MTUS2: variants seen among roughly 807,000 people sequenced by gnomAD.
MTUS2 encodes microtubule associated scaffold protein 2, also known as microtubule-associated tumor suppressor candidate 2.
A neutral mutation model predicts 114.1 loss-of-function variants in MTUS2; 40 were observed. The ratio of observed to expected loss-of-function variants is 0.35; its 90% CI spans 0.27 to 0.46. The LOEUF (loss-of-function observed/expected upper bound fraction) is 0.46. Among genes scored for constraint, MTUS2 ranks in the 20% least tolerant of loss-of-function variants. The probability of loss-of-function intolerance (pLI) is 1.00; values close to 1 mark genes in which losing one functional copy is unlikely to be tolerated. For synonymous variants in MTUS2, 688 were observed against 672.0 expected, an observed-to-expected ratio of 1.02 and a Z score of -0.37; for missense variants, 1,679 against 1,705.4, an observed-to-expected ratio of 0.98 and a Z score of 0.27.
chr13:28,899,203 A>T (rs557682679), intron 2 of MTUS2, among the ~76,000 whole-genome samples: 214 of 152,368 alleles, frequency 1.4e-3, no homozygotes, highest in African/African-American at 4.4e-3. Context: ...ATAGTAAAAT[A>T]TCACAATGTT....
intron 5 of MTUS2, among the ~76,000 whole-genome samples, chr13:29,191,393 T>C (rs1894443723): frequency 6.6e-6 from 1 of 152,142 alleles, no homozygotes; most frequent in Admixed American, 6.5e-5. Context: ...GAGAAGCAGT[T>C]GTGCAGTCAG....
chr13:29,233,858 A>G (rs1896432227), intron 5 of MTUS2, among the ~76,000 whole-genome samples: 1 of 152,222 alleles, frequency 6.6e-6, no homozygotes, highest in Non-Finnish European at 1.5e-5. Flanking sequence ...GGTTATTCTC[A>G]TCTGAAAAAG....
At chr13:29,328,202 C>T (rs530361728) in intron 7 of MTUS2, among the ~76,000 whole-genome samples, 1 of 152,146 alleles carries the variant, frequency 6.6e-6, no homozygotes, top group African/African-American at 2.4e-5. Flanking sequence ...TATGAAAATA[C>T]ATTTGATAAT....
At chr13:29,332,633 C>CT (rs58161086) in intron 7 of MTUS2, among the ~76,000 whole-genome samples, 93 of 113,680 alleles carry the variant, frequency 8.2e-4, no homozygotes, top group African/African-American at 1.3e-3. Context: ...TTCTCTAATT[C>CT]TTTTTTTTTT....
At chr13:29,122,722 A>C (rs1455652644) in intron 5 of MTUS2, among the ~76,000 whole-genome samples, 1 of 152,188 alleles carries the variant, frequency 6.6e-6, no homozygotes, top group African/African-American at 2.4e-5. Context: ...CTGTTTGATT[A>C]CCTTTTAGAG....
At chr13:28,824,371 C>G (rs988472467) in intron 1 of MTUS2, among the ~76,000 whole-genome samples, 2 of 152,202 alleles carry the variant, frequency 1.3e-5, no homozygotes, top group Non-Finnish European at 2.9e-5. Flanking sequence ...GCTCTGTCCT[C>G]TAGTCTCTGT....
chr13:28,974,011 T>C (rs950284020), intron 2 of MTUS2, among the ~76,000 whole-genome samples: 1 of 152,214 alleles, frequency 6.6e-6, no homozygotes, highest in Admixed American at 6.5e-5. Context: ...GCACATTTAA[T>C]GCATGGAACA....
intron 3 of MTUS2, among the ~76,000 whole-genome samples, chr13:29,031,406 C>CTA (rs1010954097): frequency 1.6e-4 from 24 of 147,864 alleles, no homozygotes; most frequent in African/African-American, 4.4e-4. Flanking sequence ...CACATAATCT[C>CTA]TATATATATA....
chr13:29,074,766 C>T (rs1889107573), intron 4 of MTUS2, among the ~76,000 whole-genome samples: 1 of 152,106 alleles, frequency 6.6e-6, no homozygotes, highest in African/African-American at 2.4e-5. Context: ...TTTTCCTTTC[C>T]CGGAACTAGT....
At chr13:28,982,423 G>A (rs1485465019) in intron 2 of MTUS2, among the ~76,000 whole-genome samples, 2 of 152,046 alleles carry the variant, frequency 1.3e-5, no homozygotes, top group Non-Finnish European at 2.9e-5. Context: ...TGGTAGGAAT[G>A]TAAAATGCTG....
chr13:29,271,480 A>G (rs1010549271), intron 5 of MTUS2, among the ~76,000 whole-genome samples: 25 of 152,008 alleles, frequency 1.6e-4, no homozygotes, highest in African/African-American at 5.8e-4. Context: ...TCCAAGTCTC[A>G]CCTAACTGTC....
At chr13:28,857,457 C>T (rs1336141959) in intron 2 of MTUS2, among the ~76,000 whole-genome samples, 1 of 152,122 alleles carries the variant, frequency 6.6e-6, no homozygotes, top group Non-Finnish European at 1.5e-5. Flanking sequence ...GGTAAAGATA[C>T]TGCACACGTG....
chr13:28,947,247 G>A (rs1230593795), intron 2 of MTUS2, among the ~76,000 whole-genome samples: 3 of 152,086 alleles, frequency 2.0e-5, no homozygotes, highest in African/African-American at 2.4e-5. Context: ...GAGTGTCGCT[G>A]CTTGAAAGCA....
In MTUS2 at chr13:29,140,825, G is replaced by A. The variant is rs148482707; in HGVS notation, c.2644+39855G>A. Reference sequence around the variant, plus strand: ...TCATGGGAAGTAGGCATATGCAAATGACTGTGTGTCTGCAGGTGATACTTG... The same window carrying A: ...TCATGGGAAGTAGGCATATGCAAATAACTGTGTGTCTGCAGGTGATACTTG... On this transcript the variant is annotated intron_variant, in intron 5 of 15. Transcript: ENST00000612955. Among the ~76,000 whole-genome samples the A allele has an allele frequency of 2.8e-3, 420 of 152,262 alleles. 2 individuals are homozygous for A. Among genetic ancestry groups the A allele is most frequent in the African/African-American group, 9.6e-3 (400 of 41,558 alleles).
chr13:29,400,280 T>G (rs531593453), intron 8 of MTUS2, among the ~76,000 whole-genome samples: 2 of 152,358 alleles, frequency 1.3e-5, no homozygotes, highest in Non-Finnish European at 1.5e-5. Context: ...TATCTCCATG[T>G]TTAGTTACAC....
intron 5 of MTUS2, among the ~76,000 whole-genome samples, chr13:29,281,493 C>T (rs750954449): frequency 7.9e-5 from 12 of 151,348 alleles, no homozygotes; most frequent in South Asian, 6.2e-4. Flanking sequence ...GTTTAGTGCA[C>T]GGGATTTGTG....
chr13:29,289,970 T>C (rs555968594), intron 6 of MTUS2, among the ~76,000 whole-genome samples: 1 of 152,262 alleles, frequency 6.6e-6, no homozygotes, highest in South Asian at 2.1e-4. Context: ...CTGCCCATGA[T>C]CAAATTTCTT....
intron 2 of MTUS2, among the ~76,000 whole-genome samples, chr13:28,900,248 T>TA (rs1424660220): frequency 6.6e-6 from 1 of 152,226 alleles, no homozygotes; most frequent in Non-Finnish European, 1.5e-5. Flanking sequence ...TTGGCATTGA[T>TA]ACAATCCACT....
chr13:28,894,114 T>A (rs1388316689), intron 2 of MTUS2, among the ~76,000 whole-genome samples: 2 of 151,750 alleles, frequency 1.3e-5, no homozygotes, highest in African/African-American at 4.8e-5. Flanking sequence ...CTGAATTGTG[T>A]ACCCACTCCA....
Sources: gnomAD v4.1 joint callset for allele counts (sites outside exome capture counted in the v4.1 genomes callset) on GRCh38, gnomAD v4.1.1 for gene constraint, MANE v1.5 for transcripts, NCBI Gene and HGNC (gene_info 2026-07-23, HGNC 2026-07-21) for gene names.